The following GSDME variants were observed in gnomAD, a reference collection of about 807,000 sequenced individuals.
GSDME encodes gasdermin-E.
In GSDME, 44 loss-of-function variants were observed where a neutral mutation model predicts 47.5. The observed-to-expected ratio is 0.93, with a 90% CI of 0.73 to 1.19. The LOEUF (loss-of-function observed/expected upper bound fraction) is 1.19, where lower values mean the gene tolerates loss of function less well. Among genes scored for constraint, GSDME ranks in the 50% most tolerant of loss-of-function variants. The probability of loss-of-function intolerance (pLI) is 0.00; values close to 1 mark genes in which losing one functional copy is unlikely to be tolerated. For missense variants in GSDME, 663 were observed against 604.2 expected, an observed-to-expected ratio of 1.10 and a Z score of -1.02; for synonymous variants, 258 against 252.8, an observed-to-expected ratio of 1.02 and a Z score of -0.20.
rs1160660112 is a variant in GSDME at position 24,712,255 on chromosome 7, G to C, written c.698-1867C>G. Among the ~76,000 whole-genome samples the C allele has an allele frequency of 6.6e-6, 1 of 152,228 alleles. No individual in the cohort carries two copies. The highest frequency in any genetic ancestry group is 6.5e-5 in the Admixed American group (1 of 15,286). ...CTTAGCCACAGGGGTGCAGGAGTGT[G>C]AACCAGCACCTAGGTCATAACTTTG... On this transcript the variant is annotated intron_variant, in intron 5 of 9. Coordinates refer to ENST00000645220, the MANE Select transcript of GSDME (RefSeq NM_001127453.2). This position sits in a 1 kb window ranked among gnomAD's most constrained non-coding sequence, Gnocchi z 4.4.
chr7:24,753,166 A>G (rs1790910413), intron 1 of GSDME, among the ~76,000 whole-genome samples: 1 of 152,150 alleles, frequency 6.6e-6, no homozygotes, highest in Non-Finnish European at 1.5e-5. Flanking sequence ...AGGTTTCTTT[A>G]TTACTATTAC....
At position 24,699,104 on chromosome 7, in the gene GSDME, C is replaced by T; in HGVS notation, c.1413G>A (p.Leu471=). The change falls in exon 10 of 10, where the codon CTG becomes CTA. Residue 471 remains leucine, a synonymous_variant. Coordinates refer to ENST00000645220, the MANE Select transcript of GSDME (RefSeq NM_001127453.2). ...RLKSSVKAVI[L]KDSKVFPLLL... ...GCAGTGGGAAGACTTTAGAGTCCTT[C>T]AGAATGACAGCTTTCACAGATGACT... The T allele has an allele frequency of 6.2e-7, 1 of 1,614,158 alleles. No homozygotes were observed. Among genetic ancestry groups the T allele is most frequent in the South Asian group, 1.1e-5 (1 of 91,080 alleles).
At position 24,712,034 on chromosome 7, in the gene GSDME, C is replaced by T. The variant is rs373615401; in HGVS notation, c.698-1646G>A. ...ATGGAATAAAAATGTGGCAGGGCCC[C>T]GTATTTGCTGAAATGTAGAAGGCAT... On this transcript the variant is annotated intron_variant, in intron 5 of 9. Transcript: ENST00000645220. The surrounding 1 kb of genome is among the most constrained non-coding windows in gnomAD (Gnocchi z 4.4). 2.6e-5 allele frequency among the ~76,000 whole-genome samples: 4 copies of T among 152,056 alleles called. No individual in the cohort carries two copies. Among genetic ancestry groups the T allele is most frequent in the African/African-American group, 7.3e-5 (3 of 41,378 alleles).
intron 5 of GSDME, among the ~76,000 whole-genome samples, chr7:24,711,455 A>C (rs1156685186): frequency 6.6e-6 from 1 of 151,918 alleles, no homozygotes; most frequent in Non-Finnish European, 1.5e-5. Flanking sequence ...AAGTTGATCC[A>C]CCTACCTCAG....
chr7:24,708,922 G>T lies in GSDME; in HGVS notation c.863-668C>A, dbSNP rs760614172. 2.0e-5 allele frequency among the ~76,000 whole-genome samples: 3 copies of T among 152,220 alleles called. No individual in the cohort carries two copies. The East Asian group carries it at 5.8e-4, about 29-fold the overall frequency. ...TTTTGGTTTTTTTGTTTGTTTGTTT[G>T]TTTTTAAGATACTCAGAAGCTTCTT... On this transcript the variant is annotated intron_variant, in intron 6 of 9. Transcript: ENST00000645220.
the GSDME span, among the ~76,000 whole-genome samples, chr7:24,786,528 G>A: frequency 3.3e-5 from 5 of 152,116 alleles, no homozygotes; most frequent in African/African-American, 1.2e-4. This position sits in a 1 kb window ranked among gnomAD's most constrained non-coding sequence, Gnocchi z 5.5. Flanking sequence ...TGAGGCTTTC[G>A]GAGTGGGGTT....
intron 3 of GSDME, among the ~76,000 whole-genome samples, chr7:24,740,730 T>A (rs1213331022): frequency 6.6e-6 from 1 of 152,154 alleles, no homozygotes; most frequent in East Asian, 1.9e-4. Flanking sequence ...TTTATCATGG[T>A]CATGACATTG....
At chr7:24,787,730 A>C in the GSDME span, among the ~76,000 whole-genome samples, 1 of 151,946 alleles carries the variant, frequency 6.6e-6, no homozygotes, top group African/African-American at 2.4e-5. This position sits in a 1 kb window ranked among gnomAD's most constrained non-coding sequence, Gnocchi z 5.0. Context: ...TTTTTGAGAC[A>C]GAGTCTCGCT....
chr7:24,792,918 G>A, the GSDME span, among the ~76,000 whole-genome samples: 2 of 152,182 alleles, frequency 1.3e-5, no homozygotes, highest in African/African-American at 4.8e-5. Context: ...AAGGAAAGTG[G>A]AAGATAAACC....
At chr7:24,709,162 AAG>A (rs1789245675) in intron 6 of GSDME, among the ~76,000 whole-genome samples, 1 of 152,190 alleles carries the variant, frequency 6.6e-6, no homozygotes, top group South Asian at 2.1e-4. Context: ...TCCCAGCCTG[AAG>A]AGAGAAGCTG....
At chr7:24,794,139 ATCTCTCTCTT>A in the GSDME span, among the ~76,000 whole-genome samples, 1 of 150,616 alleles carries the variant, frequency 6.6e-6, no homozygotes, top group African/African-American at 2.4e-5. Context: ...CTACTTGTAT[ATCTCTCTCTT>A]TCTCTCTTTG....
At chr7:24,743,678 TCACTGGGCACAGGCCACTCTGGCCA>T (rs1790559547) in intron 3 of GSDME, among the ~76,000 whole-genome samples, 1 of 151,952 alleles carries the variant, frequency 6.6e-6, no homozygotes, top group South Asian at 2.1e-4. Context: ...CTCCCCTTGC[TCACTGGGCACAGGCCACTCTGGCCA>T]CTGCCCACAG....
At chr7:24,722,754 G>A (rs1383357838) in intron 3 of GSDME, among the ~76,000 whole-genome samples, 1 of 152,194 alleles carries the variant, frequency 6.6e-6, no homozygotes. Context: ...TGCTTAAAAT[G>A]CCCACCTCCC....
the GSDME span, among the ~76,000 whole-genome samples, chr7:24,792,503 G>C: frequency 6.6e-6 from 1 of 152,170 alleles, no homozygotes; most frequent in African/African-American, 2.4e-5. Context: ...GTCCCCACAA[G>C]GTATAACAAG....
At chr7:24,722,411 T>C (rs1584075332) in intron 3 of GSDME, among the ~76,000 whole-genome samples, 1 of 152,198 alleles carries the variant, frequency 6.6e-6, no homozygotes, top group Non-Finnish European at 1.5e-5. Flanking sequence ...TAAAAGCCAT[T>C]GTAACCACCG....
intron 7 of GSDME, among the ~76,000 whole-genome samples, chr7:24,706,810 A>C (rs1562688128): frequency 6.6e-6 from 1 of 152,198 alleles, no homozygotes; most frequent in Non-Finnish European, 1.5e-5. Context: ...CCTGCTGTGG[A>C]GTGAGGCGAC....
rs1790045193 is a variant in GSDME, at chr7:24,728,554, C to T, written c.405-9336G>A. On this transcript the variant is annotated intron_variant, in intron 3 of 9. Coordinates refer to ENST00000645220, the MANE Select transcript of GSDME (RefSeq NM_001127453.2). This position sits in a 1 kb window ranked among gnomAD's most constrained non-coding sequence, Gnocchi z 7.2. ...ACCCTCGAAGCTCTGCGCCCATCTGCCTCTCCCTCCTGAACCTTCCTGGGC... is the reference window on the plus strand; with the variant it reads ...ACCCTCGAAGCTCTGCGCCCATCTGTCTCTCCCTCCTGAACCTTCCTGGGC... 6.6e-6 allele frequency among the ~76,000 whole-genome samples: 1 copy of T among 152,208 alleles called. No individual in the cohort carries two copies. The highest frequency in any genetic ancestry group is 2.4e-5 in the African/African-American group (1 of 41,456).
chr7:24,782,924 A>C, the GSDME span, among the ~76,000 whole-genome samples: 2 of 152,234 alleles, frequency 1.3e-5, no homozygotes, highest in South Asian at 4.2e-4. Context: ...GTTTGCAAAA[A>C]CACATTTTTA....
chr7:24,794,292 T>TC, the GSDME span, among the ~76,000 whole-genome samples: 17,363 of 117,968 alleles, frequency 0.15, 1,246 homozygotes, highest in East Asian at 0.29. Context: ...TCTCTCTCTC[T>TC]TTCTCTCCTC....
Sources: gnomAD v4.1 joint callset for allele counts (sites outside exome capture counted in the v4.1 genomes callset) on GRCh38, gnomAD v4.1.1 for gene constraint, Gnocchi (gnomAD v3.1) non-coding constraint, MANE v1.5 for transcripts, NCBI Gene and HGNC (gene_info 2026-07-23, HGNC 2026-07-21) for gene names.